UNC13B: variants seen among roughly 807,000 people sequenced by gnomAD.
UNC13B encodes the protein unc-13 homolog B, also known as protein unc-13 homolog B.
A neutral mutation model predicts 211.0 loss-of-function variants in UNC13B; 144 were observed. The observed-to-expected ratio is 0.68, with a 90% CI of 0.60 to 0.78. UNC13B has a LOEUF of 0.78. Among genes scored for constraint, UNC13B ranks in the 30% least tolerant of loss-of-function variants. The probability of loss-of-function intolerance (pLI) is 0.00; values close to 1 mark genes in which losing one functional copy is unlikely to be tolerated. For missense variants in UNC13B, 1,777 were observed against 2,002.0 expected (o/e 0.89, Z 2.14); for synonymous variants, 709 against 725.8 (o/e 0.98, Z 0.37).
chr9:35,246,018 T>G (rs1826076898), intron 6 of UNC13B, among the ~76,000 whole-genome samples: 1 of 152,176 alleles, frequency 6.6e-6, no homozygotes, highest in Admixed American at 6.5e-5. Flanking sequence ...ACCTGTTGTT[T>G]CCTGACTTTT....
intron 26 of UNC13B, 58 bp downstream of exon 26, chr9:35,390,772 C>G: frequency 6.7e-7 from 1 of 1,501,330 alleles, no homozygotes; most frequent in Non-Finnish European, 9.2e-7. Context: ...TCCTCGTTCA[C>G]TGTCCCTTTC....
chr9:35,184,806 G>A (rs1421299044), intron 1 of UNC13B, among the ~76,000 whole-genome samples: 224 of 896 alleles, frequency 0.25, 1 homozygote, highest in African/African-American at 0.37. Flanking sequence ...AGAAGCGGGG[G>A]GGGGGGGGGA....
chr9:35,249,201 T>C (rs891031631), intron 6 of UNC13B, among the ~76,000 whole-genome samples: 1 of 152,220 alleles, frequency 6.6e-6, no homozygotes, highest in Non-Finnish European at 1.5e-5. Flanking sequence ...TGTTTTCCTT[T>C]TGCTTGGTAG....
At chr9:35,402,932 G>C (rs1001753039) in intron 37 of UNC13B, among the ~76,000 whole-genome samples, 1 of 152,200 alleles carries the variant, frequency 6.6e-6, no homozygotes, top group Non-Finnish European at 1.5e-5. Context: ...CCTTGAGAGA[G>C]AGTCTTAGTG....
rs941173300 is a variant in UNC13B, at chr9:35,301,672, C to T, written c.2268C>T (p.Leu756=). The T allele has an allele frequency of 1.0e-5, 4 of 398,698 alleles. No individual in the cohort carries two copies. Among genetic ancestry groups the T allele is most frequent in the African/African-American group, 8.2e-5 (4 of 48,612 alleles). 24.7% of individuals were successfully genotyped at this position (398,698 alleles called of 1,614,324 possible). Residue 756 remains leucine, a synonymous_variant, in exon 9 of 40, where the codon CTC becomes CTT. Coordinates refer to ENST00000635942, the MANE Select transcript of UNC13B (RefSeq NM_001371189.2). ...ATGAGAGTCTATTGGAAGAAAAACTCTGTATAGATCTGTCTCTTTTACCAG... is the reference window on the plus strand; with the variant it reads ...ATGAGAGTCTATTGGAAGAAAAACTTTGTATAGATCTGTCTCTTTTACCAG... ...KNDESLLEEK[L]CIDLSLLPDQ... is the part of the protein sequence containing the mutation.
intron 11 of UNC13B, among the ~76,000 whole-genome samples, chr9:35,321,255 G>A (rs545903085): frequency 4.0e-4 from 60 of 151,774 alleles, no homozygotes; most frequent in African/African-American, 1.4e-3. Context: ...TTGAGACAGC[G>A]TCTTGCCTGG....
intron 1 of UNC13B, among the ~76,000 whole-genome samples, chr9:35,198,743 G>A (rs1282547861): frequency 6.6e-6 from 1 of 152,144 alleles, no homozygotes; most frequent in Admixed American, 6.5e-5. Flanking sequence ...AGGCCAGGCT[G>A]AGGAGTTTTC....
intron 11 of UNC13B, among the ~76,000 whole-genome samples, chr9:35,326,648 C>T (rs770844335): frequency 1.1e-4 from 17 of 152,106 alleles, no homozygotes; most frequent in Non-Finnish European, 1.6e-4. Context: ...CTTGGTCTCC[C>T]GAGGCACTGG....
At chr9:35,218,734 T>C (rs1824398086) in intron 1 of UNC13B, among the ~76,000 whole-genome samples, 1 of 151,546 alleles carries the variant, frequency 6.6e-6, no homozygotes, top group Admixed American at 6.6e-5. Flanking sequence ...TTAATGTTCG[T>C]GTTTTTCTTT....
chr9:35,390,805 C>T, intron 26 of UNC13B, 91 bp downstream of exon 26: 1 of 1,279,362 alleles, frequency 7.8e-7, no homozygotes, highest in South Asian at 1.4e-5. Flanking sequence ...ACTACAAGTT[C>T]TGGGTGAGTG....
At chr9:35,273,191 T>C (rs1362101917) in intron 7 of UNC13B, among the ~76,000 whole-genome samples, 3 of 152,372 alleles carry the variant, frequency 2.0e-5, no homozygotes, top group Middle Eastern at 3.4e-3. Flanking sequence ...ATATCATGAA[T>C]AACAAGTGAC....
intron 1 of UNC13B, among the ~76,000 whole-genome samples, chr9:35,209,359 C>T (rs1038957663): frequency 1.3e-5 from 2 of 151,462 alleles, no homozygotes; most frequent in African/African-American, 4.9e-5. Flanking sequence ...CTACCACGCC[C>T]AGCCTCCCTT....
chr9:35,361,872 G>C (rs536699674), intron 11 of UNC13B: 1 of 152,300 alleles, frequency 6.6e-6, no homozygotes, highest in African/African-American at 2.4e-5. Flanking sequence ...GGCTGGGTGT[G>C]GGAGGGAGGT....
chr9:35,261,336 A>G (rs1827260849), intron 7 of UNC13B, among the ~76,000 whole-genome samples: 1 of 152,234 alleles, frequency 6.6e-6, no homozygotes, highest in Non-Finnish European at 1.5e-5. Flanking sequence ...GAAAGTCAAC[A>G]TAACTGAAAT....
rs556111183 is a variant in UNC13B at position 35,340,685 on chromosome 9, G to T, written c.9415-26262G>T. Among the ~76,000 whole-genome samples the T allele has an allele frequency of 1.8e-4, 27 of 152,324 alleles. No individual in the cohort carries two copies. In the South Asian group the frequency reaches 5.6e-3, roughly 32 times the overall value. ...TACTGTTGGCCTAAGGAGGAAGAGG[G>T]CCTTTTCTCTTAAGATCAAGCTCAG... On this transcript the variant is annotated intron_variant, in intron 11 of 39. Coordinates refer to ENST00000635942, the MANE Select transcript of UNC13B (RefSeq NM_001371189.2).
chr9:35,290,671 G>A (rs1193378693), intron 7 of UNC13B, among the ~76,000 whole-genome samples: 2 of 151,474 alleles, frequency 1.3e-5, no homozygotes, highest in Non-Finnish European at 2.9e-5. Context: ...ACAGAGATAA[G>A]GAAGGGTTTC....
At chr9:35,291,192 G>A (rs573128964) in intron 7 of UNC13B, 23 of 1,272,286 alleles carry the variant, frequency 1.8e-5, no homozygotes, top group Non-Finnish European at 2.4e-5. Flanking sequence ...GGATATTCAT[G>A]CATAGACTTC....
chr9:35,360,512 A>G (rs1833339496), intron 11 of UNC13B: 1 of 152,234 alleles, frequency 6.6e-6, no homozygotes, highest in Non-Finnish European at 1.5e-5. Flanking sequence ...CATCATCTTC[A>G]TCATTGTTTA....
chr9:35,166,799 A>G (rs1200292910), intron 1 of UNC13B, among the ~76,000 whole-genome samples: 2 of 152,226 alleles, frequency 1.3e-5, no homozygotes, highest in African/African-American at 4.8e-5. Flanking sequence ...ACTACTGTTT[A>G]CTGTCTCTTA....
Sources: gnomAD v4.1 joint callset for allele counts (sites outside exome capture counted in the v4.1 genomes callset) on GRCh38, gnomAD v4.1.1 for gene constraint, MANE v1.5 for transcripts, NCBI Gene and HGNC (gene_info 2026-07-23, HGNC 2026-07-21) for gene names.